Variants in INTS1 observed in about 807,000 individuals in gnomAD.
INTS1 encodes the protein integrator complex subunit 1.
A neutral mutation model predicts 241.6 loss-of-function variants in INTS1; 137 were observed. The observed-to-expected ratio is 0.57, with a 90% CI of 0.49 to 0.65. The LOEUF (loss-of-function observed/expected upper bound fraction) is 0.65. Ranked by LOEUF, INTS1 falls within the 30% of genes least tolerant of loss-of-function variation. The pLI is 0.00. For missense variants in INTS1, 3,073 were observed against 3,032.2 expected (o/e 1.01, Z -0.32); for synonymous variants, 1,692 against 1,337.8 (o/e 1.26, Z -5.78).
intron 16 of INTS1, among the ~76,000 whole-genome samples, chr7:1,491,999 T>C (rs1384703248): frequency 6.6e-6 from 1 of 151,918 alleles, no homozygotes; most frequent in African/African-American, 2.4e-5. Context: ...TGAGTGCGGG[T>C]GAGGATGGAG....
Position 1,493,955 on chromosome 7 carries a change from C to G in INTS1, c.1911-44G>C. The G allele has an allele frequency of 6.5e-7, 1 of 1,528,776 alleles. No individual in the cohort carries two copies. Among genetic ancestry groups the G allele is most frequent in the East Asian group, 2.5e-5 (1 of 40,448 alleles). The allele number at this position is 1,528,776 out of a possible 1,614,324, so 94.7% of individuals were successfully genotyped here. ...ATGACTCGGTGTGGGCTGCCCACAC[C>G]TGCCAGACCTGAGGGGCCGAGGACA... is the stretch of plus-strand genomic sequence containing the variant. On this transcript the variant is annotated intron_variant, in intron 14 of 47. Transcript: ENST00000404767. This position sits in a 1 kb window ranked among gnomAD's most constrained non-coding sequence, Gnocchi z 5.3.
At chr7:1,479,816 C>T in intron 30 of INTS1, 132 bp from the exon 31 acceptor site, 3 of 1,045,112 alleles carry the variant, frequency 2.9e-6, no homozygotes, top group Non-Finnish European at 4.0e-6. Flanking sequence ...TCGTAGCCCC[C>T]ACCTTGTGGC....
In INTS1 at chr7:1,503,919, G is replaced by A. The variant is rs1783331844; in HGVS notation, c.42C>T (p.Ala14=). The change falls in exon 2 of 48, where the codon GCC becomes GCT. Residue 14 remains alanine (A), a synonymous_variant. Coordinates refer to ENST00000404767, the MANE Select transcript of INTS1 (RefSeq NM_001080453.3). ...GAGACGCACCTGAGGGTTTGGCCGC[G>A]GCGCTGGGCCGGCGCACCGTGGTGG... The part of the protein sequence containing the change: ...AKPTTVRRPS[A]AAKPSGHPPP... The A allele has an allele frequency of 6.4e-7, 1 of 1,573,002 alleles. No homozygotes were observed. The highest frequency in any genetic ancestry group is 8.6e-7 in the Non-Finnish European group (1 of 1,159,858).
In INTS1 at chr7:1,479,505, G is replaced by A. The variant is rs201592498; in HGVS notation, c.4254C>T (p.Gly1418=). The change falls in exon 31 of 48, where the codon GGC becomes GGT. Residue 1418 remains glycine (G), a synonymous_variant. Coordinates refer to ENST00000404767, the MANE Select transcript of INTS1 (RefSeq NM_001080453.3). ...GGTGCATGGACATCACCAGGGCACCGCCGTGTGGGGAGCTGAGCAGGGTGG... is the reference window on the plus strand; with the variant it reads ...GGTGCATGGACATCACCAGGGCACCACCGTGTGGGGAGCTGAGCAGGGTGG... ...ALATLLSSPH[G]GALVMSMHRS... 1.9e-3 allele frequency: 2,951 copies of A among 1,570,862 alleles called. 10 individuals carry two copies. Among genetic ancestry groups the A allele is most frequent in the Non-Finnish European group, 2.1e-3 (2,485 of 1,159,398 alleles).
At position 1,473,109 on chromosome 7, in the gene INTS1, G is replaced by A. The variant is rs747351851; in HGVS notation, c.6033C>T (p.Asp2011=). The A allele has an allele frequency of 2.1e-5, 34 of 1,611,552 alleles. No individual in the cohort carries two copies. The South Asian group carries it at 2.3e-4, about 11-fold the overall frequency. Residue 2011 remains aspartate (D), a synonymous_variant, in exon 43 of 48, where the codon GAC becomes GAT. Transcript: ENST00000404767. ...LLAGLSLPSR[D]DRTDRGLDEE... ...CGTCCAGGCCTCGGTCGGTCCTGTC[G>A]TCCCTGCTGGGCAGGCTGAGCCCTG...
Position 1,471,024 on chromosome 7 carries a change from C to T in INTS1, c.6348-69G>A, listed in dbSNP as rs111764173. Reference sequence around the variant, plus strand: ...CACGCCAGACCCCCACCCGACAGGGCGAGCTGAGCCGCCTGGAAGCCTGGT... The same window carrying T: ...CACGCCAGACCCCCACCCGACAGGGTGAGCTGAGCCGCCTGGAAGCCTGGT... On this transcript the variant is annotated intron_variant, in intron 46 of 47. Coordinates refer to ENST00000404767, the MANE Select transcript of INTS1 (RefSeq NM_001080453.3). The T allele has an allele frequency of 2.1e-3, 3,108 of 1,511,724 alleles. 27 individuals are homozygous for T. The African/African-American group carries it at 0.022, about 11-fold the overall frequency. 93.6% of individuals were successfully genotyped at this position (1,511,724 alleles called of 1,614,324 possible).
chr7:1,477,053 C>G, intron 35 of INTS1, 135 bp from the exon 36 acceptor site: 1 of 1,149,726 alleles, frequency 8.7e-7, no homozygotes, highest in Non-Finnish European at 1.2e-6. Flanking sequence ...CCGGCCCCGT[C>G]ATGGTGCTGG....
chr7:1,476,788 G>C lies in INTS1; in HGVS notation c.5063+6C>G. On this transcript the variant is annotated splice_donor_region_variant and intron_variant, in intron 36 of 47. Coordinates refer to ENST00000404767, the MANE Select transcript of INTS1 (RefSeq NM_001080453.3). ...CAGCCCAGGTTGGGGACAGGGAGGC[G>C]CCCACCTCTGTTCCCGGCTCTTGCC... The C allele has an allele frequency of 1.2e-6, 2 of 1,611,952 alleles. No homozygotes were observed. The highest frequency in any genetic ancestry group is 2.2e-5 in the South Asian group (2 of 91,010).
chr7:1,494,635 G>A, intron 14 of INTS1, 181 bp downstream of exon 14: 1 of 662,282 alleles, frequency 1.5e-6, no homozygotes. Flanking sequence ...AGTGGCGCTG[G>A]GACGCCAGCA....
intron 47 of INTS1, 52 bp from the exon 48 acceptor site, chr7:1,470,744 G>C (rs1010016130): frequency 6.8e-7 from 1 of 1,475,992 alleles, no homozygotes; most frequent in African/African-American, 1.4e-5. Context: ...CATCCTGGCC[G>C]CAGTGACCAG....
chr7:1,472,225 G>C, intron 44 of INTS1, 48 bp downstream of exon 44: 1 of 1,404,438 alleles, frequency 7.1e-7, no homozygotes, highest in Non-Finnish European at 9.9e-7. Flanking sequence ...GCAGCCCCAT[G>C]GGACCCAGGG....
intron 26 of INTS1, chr7:1,483,243 A>T (rs1299769226): frequency 8.7e-6 from 2 of 229,612 alleles, no homozygotes; most frequent in African/African-American, 2.2e-5. Flanking sequence ...TCATGGTGTC[A>T]GCCAGGAGTA....
chr7:1,499,486 G>A lies in INTS1; in HGVS notation c.831C>T (p.Gly277=), dbSNP rs772050464. 3.9e-5 allele frequency: 63 copies of A among 1,598,286 alleles called. No homozygotes were observed. Among genetic ancestry groups the A allele is most frequent in the East Asian group, 1.6e-4 (7 of 44,142 alleles). Residue 277 remains glycine (G), a synonymous_variant, in exon 6 of 48, where the codon GGC becomes GGT. Transcript: ENST00000404767. The stretch of plus-strand genomic sequence containing the variant: ...CGTGTGTCTCACCTGCACCCAGGTC[G>A]CCCGCAACGCGGCCCGCCTCCCCCT... ...LLQGEAGRVA[G]DLGAGSSPHP...
chr7:1,478,649 G>A (rs1009588664), intron 32 of INTS1, 77 bp downstream of exon 32: 3 of 1,487,616 alleles, frequency 2.0e-6, no homozygotes, highest in African/African-American at 2.8e-5. Context: ...GCCTCGGGGT[G>A]CCAGGCAGCT....
At chr7:1,485,230 A>C (rs1049265443) in intron 23 of INTS1, 28 bp from the exon 24 acceptor site, 1 of 1,599,242 alleles carries the variant, frequency 6.3e-7, no homozygotes, top group African/African-American at 1.3e-5. Flanking sequence ...CTGAGCGGCA[A>C]CAGGGCAGGG....
chr7:1,485,593 G>A (rs560864305), intron 22 of INTS1, 124 bp from the exon 23 acceptor site: 26 of 976,392 alleles, frequency 2.7e-5, no homozygotes, highest in South Asian at 3.4e-5. Flanking sequence ...TGCTTCCCAC[G>A]GGAGAGGCCG....
rs373258438 is a variant in INTS1 at position 1,477,646 on chromosome 7, C to T, written c.4842G>A (p.Ser1614=). The T allele has an allele frequency of 1.1e-4, 174 of 1,592,268 alleles. No individual in the cohort carries two copies. Among genetic ancestry groups the T allele is most frequent in the Non-Finnish European group, 1.4e-4 (165 of 1,170,322 alleles). ...GSLEAVRLGP[S]SGLLVDWLEM... ...CCAGCCAGTCCACTAGGAGGCCTGA[C>T]GAGGGCCCCAGCCGCACGGCCTCCA... Residue 1614 remains serine (S), a synonymous_variant, in exon 35 of 48, where the codon TCG becomes TCA. Coordinates refer to ENST00000404767, the MANE Select transcript of INTS1 (RefSeq NM_001080453.3).
chr7:1,474,476 C>T (rs994784617), intron 40 of INTS1, 116 bp from the exon 41 acceptor site: 3 of 1,212,332 alleles, frequency 2.5e-6, no homozygotes, highest in Non-Finnish European at 2.2e-6. Flanking sequence ...CCCCCAACCA[C>T]CCTCCTGCCC....
intron 22 of INTS1, among the ~76,000 whole-genome samples, chr7:1,486,318 C>T (rs1250304954): frequency 2.0e-5 from 3 of 151,276 alleles, no homozygotes; most frequent in African/African-American, 7.3e-5. Context: ...GGCTGGAGTA[C>T]AGTGGCACAA....
Sources: allele counts gnomAD v4.1 joint callset (sites outside exome capture counted in the v4.1 genomes callset), GRCh38; gene constraint gnomAD v4.1.1; non-coding constraint Gnocchi (gnomAD v3.1); transcripts MANE v1.5; gene names NCBI Gene and HGNC (gene_info 2026-07-23, HGNC 2026-07-21).